ADAM23: variants seen among roughly 807,000 people sequenced by gnomAD.
ADAM23 encodes ADAM metallopeptidase domain 23, also known as disintegrin and metalloproteinase domain-containing protein 23.
A neutral mutation model predicts 120.1 loss-of-function variants in ADAM23; 33 were observed. The observed-to-expected ratio is 0.27, with a 90% confidence interval of 0.21 to 0.37. The LOEUF is 0.37. Ranked by LOEUF, ADAM23 falls within the 10% of genes least tolerant of loss-of-function variation. ADAM23 has a pLI of 1.00. For missense variants in ADAM23, 862 were observed against 1,058.2 expected (o/e 0.81, Z 2.57); for synonymous variants, 367 against 375.2 (o/e 0.98, Z 0.25).
intron 2 of ADAM23, among the ~76,000 whole-genome samples, chr2:206,478,302 A>T (rs1441143735): frequency 6.6e-6 from 1 of 152,214 alleles, no homozygotes; most frequent in Non-Finnish European, 1.5e-5. Flanking sequence ...ACATTGACAA[A>T]GAAGATGAAT....
rs367596575 is a variant in ADAM23 at position 206,470,613 on chromosome 2, G to A, written c.433-10619G>A. Among the ~76,000 whole-genome samples the A allele has an allele frequency of 2.6e-5, 4 of 152,226 alleles. No homozygotes were observed. The East Asian group carries it at 5.8e-4, about 22-fold the overall frequency. ...CAGGACAGTTGTGGGCCTCTATGTT[G>A]AGGAACAGGCCTTAATCATGTTACT... On this transcript the variant is annotated intron_variant, in intron 2 of 25. Transcript: ENST00000264377.
chr2:206,536,108 A>C (rs902011315), intron 4 of ADAM23, among the ~76,000 whole-genome samples: 1 of 152,174 alleles, frequency 6.6e-6, no homozygotes, highest in Non-Finnish European at 1.5e-5. Flanking sequence ...ATTCCTGTTC[A>C]TTCATTAAAC....
chr2:206,481,221 T>G lies in ADAM23; in HGVS notation c.433-11T>G. 6.3e-7 allele frequency: 1 copy of G among 1,597,260 alleles called. No homozygotes were observed. Among genetic ancestry groups the G allele is most frequent in the South Asian group, 1.1e-5 (1 of 87,542 alleles). On this transcript the variant is annotated splice_polypyrimidine_tract_variant and intron_variant, in intron 2 of 25. Coordinates refer to ENST00000264377, the MANE Select transcript of ADAM23 (RefSeq NM_003812.4). ...GTAAGTTAAGGTTCTTCTGTCTTTTTGAATCCATAGGCTGTCCATCTGGCC... is the reference window on the plus strand; with the variant it reads ...GTAAGTTAAGGTTCTTCTGTCTTTTGGAATCCATAGGCTGTCCATCTGGCC...
At chr2:206,541,728 A>G (rs888055658) in intron 4 of ADAM23, among the ~76,000 whole-genome samples, 3 of 152,350 alleles carry the variant, frequency 2.0e-5, no homozygotes, top group Admixed American at 1.3e-4. Flanking sequence ...AGTCAAGTGG[A>G]AGTCCTTATT....
At position 206,452,399 on chromosome 2, in the gene ADAM23, C is replaced by T. The variant is rs144630532; in HGVS notation, c.432+6875C>T. Among the ~76,000 whole-genome samples, 428 of 152,300 alleles carry T rather than the reference C, an allele frequency of 2.8e-3. 2 individuals are homozygous for T. Among genetic ancestry groups the T allele is most frequent in the African/African-American group, 9.7e-3 (405 of 41,560 alleles). On this transcript the variant is annotated intron_variant, in intron 2 of 25. Coordinates refer to ENST00000264377, the MANE Select transcript of ADAM23 (RefSeq NM_003812.4). ...GTCCCTAAATAATGCTTTCTGCTCA[C>T]GGGTTGACTCATTCCTGCTAACTAT...
chr2:206,614,524 G>A (rs1466240144), intron 25 of ADAM23, among the ~76,000 whole-genome samples: 1 of 151,954 alleles, frequency 6.6e-6, no homozygotes, highest in Non-Finnish European at 1.5e-5. Context: ...GCATGGTGGT[G>A]CACGCCTGTA....
intron 2 of ADAM23, among the ~76,000 whole-genome samples, chr2:206,455,646 T>C (rs1695282978): frequency 1.3e-5 from 2 of 152,226 alleles, no homozygotes; most frequent in South Asian, 4.1e-4. Context: ...GCACATACTT[T>C]TAGAAGCAGC....
chr2:206,574,669 G>A (rs1266773051), intron 18 of ADAM23, among the ~76,000 whole-genome samples: 2 of 152,086 alleles, frequency 1.3e-5, no homozygotes, highest in Admixed American at 1.3e-4. Flanking sequence ...GTTAAAGTGG[G>A]ATTGGGAGCA....
chr2:206,615,801 C>A (rs2105869333), intron 25 of ADAM23, among the ~76,000 whole-genome samples: 1 of 152,288 alleles, frequency 6.6e-6, no homozygotes, highest in African/African-American at 2.4e-5. Flanking sequence ...AGAGCACAAG[C>A]TTTTGGACAC....
intron 3 of ADAM23, among the ~76,000 whole-genome samples, chr2:206,501,944 C>T (rs1417715417): frequency 6.6e-6 from 1 of 152,022 alleles, no homozygotes; most frequent in Non-Finnish European, 1.5e-5. Flanking sequence ...AATGCAGTAA[C>T]ACAAATATGT....
intron 1 of ADAM23, among the ~76,000 whole-genome samples, chr2:206,444,724 C>T (rs962395664): frequency 1.3e-5 from 2 of 152,232 alleles, no homozygotes; most frequent in Non-Finnish European, 2.9e-5. Flanking sequence ...AATTGGGAAG[C>T]TGCCAGCATC....
At position 206,600,040 on chromosome 2, in the gene ADAM23, A is replaced by G. The variant is rs758206176; in HGVS notation, c.2359+3878A>G. Among the ~76,000 whole-genome samples, 81 of 152,302 alleles carry G rather than the reference A, an allele frequency of 5.3e-4. 1 individual carries two copies. The highest frequency in any genetic ancestry group is 9.3e-4 in the Non-Finnish European group (63 of 68,018). On this transcript the variant is annotated intron_variant, in intron 24 of 25. Transcript: ENST00000264377. The stretch of plus-strand genomic sequence containing the variant: ...CACAGTGAAGCCTCGTCTCTACTAA[A>G]AATACAAAAAAATTAGTTGGGCGTG...
chr2:206,483,383 A>G (rs903850945), intron 3 of ADAM23, among the ~76,000 whole-genome samples: 1 of 152,190 alleles, frequency 6.6e-6, no homozygotes, highest in African/African-American at 2.4e-5. Context: ...ACATGTGGCC[A>G]TGTCTAGGAG....
At chr2:206,577,020 G>T (rs1352389976) in intron 18 of ADAM23, among the ~76,000 whole-genome samples, 1 of 152,106 alleles carries the variant, frequency 6.6e-6, no homozygotes, top group Non-Finnish European at 1.5e-5. Context: ...GTACAAGGAA[G>T]GTTCTGGAAT....
At chr2:206,531,015 A>ACTG in intron 4 of ADAM23, 67 bp downstream of exon 4, 1 of 1,334,804 alleles carries the variant, frequency 7.5e-7, no homozygotes, top group South Asian at 1.4e-5. Context: ...ATCAGTGCAC[A>ACTG]CTGCGTTGTT....
At chr2:206,552,498 T>C (rs1251632633) in intron 9 of ADAM23, among the ~76,000 whole-genome samples, 2 of 152,176 alleles carry the variant, frequency 1.3e-5, no homozygotes, top group Admixed American at 1.3e-4. Flanking sequence ...AACCTTATTC[T>C]TATGAATAAT....
chr2:206,585,704 G>A (rs1309971445), intron 18 of ADAM23, among the ~76,000 whole-genome samples: 3 of 152,232 alleles, frequency 2.0e-5, no homozygotes, highest in African/African-American at 7.2e-5. Flanking sequence ...TAGGGCAGCA[G>A]TAAGGAACAA....
rs1695015364 is a variant in ADAM23 at position 206,443,916 on chromosome 2, G to C, written c.50G>C (p.Ser17Thr). The C allele has an allele frequency of 1.6e-6, 2 of 1,217,702 alleles. No homozygotes were observed. Among genetic ancestry groups the C allele is most frequent in the South Asian group, 7.2e-5 (2 of 27,846 alleles). 75.4% of individuals were successfully genotyped at this position (1,217,702 alleles called of 1,614,324 possible). The change falls in exon 1 of 26, where the codon AGC becomes ACC. Residue 17 changes from serine to threonine, a missense_variant. Coordinates refer to ENST00000264377, the MANE Select transcript of ADAM23 (RefSeq NM_003812.4). ...SSRQPPLAGC[S>T]LAGASCGPQR... Reference sequence around the variant, plus strand: ...CGGCAGCCGCCCCTGGCGGGCTGCAGCCTTGCCGGCGCTTCCTGCGGCCCC... The same window carrying C: ...CGGCAGCCGCCCCTGGCGGGCTGCACCCTTGCCGGCGCTTCCTGCGGCCCC...
chr2:206,465,298 C>T (rs1438158728), intron 2 of ADAM23, among the ~76,000 whole-genome samples: 9 of 152,126 alleles, frequency 5.9e-5, no homozygotes, highest in Non-Finnish European at 1.3e-4. Flanking sequence ...CCTCAGCCTC[C>T]CGAAGAATTG....
Sources: allele counts gnomAD v4.1 joint callset (sites outside exome capture counted in the v4.1 genomes callset), GRCh38; gene constraint gnomAD v4.1.1; transcripts MANE v1.5; gene names NCBI Gene and HGNC (gene_info 2026-07-23, HGNC 2026-07-21).